The following GPC5 variants were observed in gnomAD, a reference collection of about 807,000 sequenced individuals.
GPC5 encodes the protein glypican 5.
A neutral mutation model predicts 53.9 loss-of-function variants in GPC5; 47 were observed. The ratio of observed to expected loss-of-function variants is 0.87; its 90% CI spans 0.69 to 1.11. The LOEUF is 1.11. Ranked by LOEUF, GPC5 falls within the 50% of genes most tolerant of loss-of-function variation. The pLI, the probability that GPC5 is intolerant of heterozygous loss-of-function variation, is 0.00. For synonymous variants in GPC5, 286 were observed against 263.3 expected, an observed-to-expected ratio of 1.09 and a Z score of -0.84; for missense variants, 748 against 713.1, an observed-to-expected ratio of 1.05 and a Z score of -0.56.
chr13:92,610,826 AACTC>A (rs1359013292), intron 7 of GPC5, among the ~76,000 whole-genome samples: 1 of 152,050 alleles, frequency 6.6e-6, no homozygotes, highest in Non-Finnish European at 1.5e-5. Flanking sequence ...ATTTCATGGG[AACTC>A]ACTCACTATC....
intron 7 of GPC5, among the ~76,000 whole-genome samples, chr13:92,846,185 CGAA>C (rs2138839032): frequency 6.6e-6 from 1 of 152,154 alleles, no homozygotes; most frequent in South Asian, 2.1e-4. Context: ...AAGTGCTGAG[CGAA>C]GGAGGGAAAA....
chr13:92,069,567 C>A (rs2041194662), intron 6 of GPC5, among the ~76,000 whole-genome samples: 2 of 151,818 alleles, frequency 1.3e-5, no homozygotes, highest in Non-Finnish European at 2.9e-5. Flanking sequence ...TAATCTTGAC[C>A]CCAGGCTAAT....
At chr13:91,460,338 C>T (rs138266324) in intron 2 of GPC5, among the ~76,000 whole-genome samples, 3,176 of 151,176 alleles carry the variant, frequency 0.021, 47 homozygotes, top group Non-Finnish European at 0.035. Flanking sequence ...TTACTTGTTG[C>T]CCAGCCTGGA....
At chr13:91,550,932 T>C (rs751521025) in intron 2 of GPC5, among the ~76,000 whole-genome samples, 5 of 152,182 alleles carry the variant, frequency 3.3e-5, no homozygotes, top group Admixed American at 6.5e-5. Flanking sequence ...TCAGCCATAA[T>C]TGTGAGGCCT....
intron 6 of GPC5, among the ~76,000 whole-genome samples, chr13:91,965,963 G>A (rs2040176863): frequency 6.6e-6 from 1 of 152,084 alleles, no homozygotes; most frequent in Non-Finnish European, 1.5e-5. Flanking sequence ...CATATGGGAG[G>A]AATGCTATTT....
Position 91,907,986 on chromosome 13 carries a change from C to A in GPC5, c.1330C>A (p.Pro444Thr), listed in dbSNP as rs1356982587. Reference sequence around the variant, plus strand: ...TGGAATCAAAGCCCAGTCTGGAAATCCTGAAGTCAAAGTCAAAGGAATTGA... The same window carrying A: ...TGGAATCAAAGCCCAGTCTGGAAATACTGAAGTCAAAGTCAAAGGAATTGA... The part of the protein sequence containing the change: ...GNGIKAQSGN[P>T]EVKVKGIDPV... The change falls in exon 6 of 8, where the codon CCT becomes ACT. Residue 444 changes from proline to threonine, a missense_variant. Pro to Thr is a conservative substitution (Grantham distance 38, BLOSUM62 -1). Coordinates refer to ENST00000377067, the MANE Select transcript of GPC5 (RefSeq NM_004466.6). 6.3e-7 allele frequency: 1 copy of A among 1,594,632 alleles called. No homozygotes were observed. The highest frequency in any genetic ancestry group is 2.2e-5 in the East Asian group (1 of 44,650).
intron 2 of GPC5, among the ~76,000 whole-genome samples, chr13:91,470,815 C>G (rs1882575353): frequency 6.6e-6 from 1 of 152,106 alleles, no homozygotes; most frequent in Non-Finnish European, 1.5e-5. Flanking sequence ...TCCAGTTGGA[C>G]TATATTAGAA....
intron 7 of GPC5, among the ~76,000 whole-genome samples, chr13:92,277,010 A>G (rs12869531): frequency 0.086 from 12,922 of 151,104 alleles, 602 homozygotes; most frequent in Middle Eastern, 0.12. Flanking sequence ...TTTTTTCTTT[A>G]CTTTATATTT....
rs2030836965 is a variant in GPC5 at position 91,554,593 on chromosome 13, C to T, written c.325+105671C>T. On this transcript the variant is annotated intron_variant, in intron 2 of 7. Transcript: ENST00000377067. ...CTGTACATAATTGGTTAAAATAAAT[C>T]CTTTTCAAAACAAAAGCTATTGTTC... 4.6e-5 allele frequency among the ~76,000 whole-genome samples: 7 copies of T among 152,160 alleles called. No individual in the cohort carries two copies. In the South Asian group the frequency reaches 1.5e-3, roughly 32 times the overall value.
intron 6 of GPC5, among the ~76,000 whole-genome samples, chr13:92,056,760 G>C (rs185031869): frequency 5.3e-5 from 8 of 152,100 alleles, no homozygotes; most frequent in Admixed American, 5.2e-4. Flanking sequence ...ATTTTTATAG[G>C]TTTATATAGT....
At chr13:92,685,315 G>A (rs1412657456) in intron 7 of GPC5, among the ~76,000 whole-genome samples, 2 of 151,808 alleles carry the variant, frequency 1.3e-5, no homozygotes, top group Admixed American at 6.6e-5. Flanking sequence ...GGCTAATCTT[G>A]AACTCCTGAC....
At chr13:92,434,251 A>G (rs1445316716) in intron 7 of GPC5, among the ~76,000 whole-genome samples, 1 of 152,188 alleles carries the variant, frequency 6.6e-6, no homozygotes, top group Non-Finnish European at 1.5e-5. Flanking sequence ...CTGGTAGATA[A>G]AAACAATTTA....
intron 7 of GPC5, among the ~76,000 whole-genome samples, chr13:92,193,174 C>CA (rs67764584): frequency 6.6e-6 from 1 of 151,084 alleles, no homozygotes; most frequent in Non-Finnish European, 1.5e-5. Context: ...GACTCTGTCT[C>CA]AAAAAAAAAT....
At chr13:92,277,811 C>A (rs17429575) in intron 7 of GPC5, among the ~76,000 whole-genome samples, 6,889 of 151,804 alleles carry the variant, frequency 0.045, 173 homozygotes, top group East Asian at 0.065. Context: ...TTAATTCAAT[C>A]AATATGTAGT....
chr13:92,407,200 T>C (rs1384897111), intron 7 of GPC5, among the ~76,000 whole-genome samples: 1 of 152,178 alleles, frequency 6.6e-6, no homozygotes. Flanking sequence ...TCTAGGCTGA[T>C]ATACAAGAGT....
At chr13:92,834,118 C>T (rs372363926) in intron 7 of GPC5, among the ~76,000 whole-genome samples, 2 of 151,998 alleles carry the variant, frequency 1.3e-5, no homozygotes, top group Non-Finnish European at 2.9e-5. Flanking sequence ...ACAAATTTAG[C>T]GAGACTCCGT....
At chr13:92,149,002 T>C (rs1324282364) in intron 7 of GPC5, among the ~76,000 whole-genome samples, 1 of 152,046 alleles carries the variant, frequency 6.6e-6, no homozygotes, top group Admixed American at 6.6e-5. Flanking sequence ...TAATTACTTA[T>C]AAAAAGTAAG....
chr13:92,718,338 G>A (rs1239110838), intron 7 of GPC5, among the ~76,000 whole-genome samples: 9 of 152,118 alleles, frequency 5.9e-5, no homozygotes, highest in Middle Eastern at 3.4e-3. Context: ...AAGAAAATGC[G>A]GTACACAATG....
At chr13:91,440,811 A>G (rs1880365675) in intron 1 of GPC5, among the ~76,000 whole-genome samples, 1 of 152,198 alleles carries the variant, frequency 6.6e-6, no homozygotes, top group South Asian at 2.1e-4. Context: ...ATTTTCATTC[A>G]GTTCCTTCAT....
Sources: allele counts gnomAD v4.1 joint callset (sites outside exome capture counted in the v4.1 genomes callset), GRCh38; gene constraint gnomAD v4.1.1; transcripts MANE v1.5; gene names NCBI Gene and HGNC (gene_info 2026-07-23, HGNC 2026-07-21).